The following SPTLC2 variants were observed in gnomAD, a reference collection of about 807,000 sequenced individuals.
SPTLC2 encodes serine palmitoyltransferase long chain base subunit 2.
In SPTLC2, 21 loss-of-function variants were observed where a neutral mutation model predicts 62.0. The observed-to-expected ratio is 0.34, with a 90% CI of 0.24 to 0.49. The LOEUF (loss-of-function observed/expected upper bound fraction) is 0.49, where lower values mean the gene tolerates loss of function less well. Ranked by LOEUF, SPTLC2 falls within the 20% of genes least tolerant of loss-of-function variation. The pLI, the probability that SPTLC2 is intolerant of heterozygous loss-of-function variation, is 0.99. For synonymous variants in SPTLC2, 261 were observed against 261.8 expected (o/e 1.00, Z 0.03); for missense variants, 511 against 713.0 (o/e 0.72, Z 3.23).
chr14:77,594,550 C>A (rs987603681), intron 2 of SPTLC2, among the ~76,000 whole-genome samples: 12 of 152,148 alleles, frequency 7.9e-5, no homozygotes, highest in African/African-American at 2.9e-4. Flanking sequence ...CGCTTGAGCA[C>A]AGGAGTTTGA....
chr14:77,558,970 T>G (rs1188262440), intron 6 of SPTLC2, among the ~76,000 whole-genome samples: 1 of 152,160 alleles, frequency 6.6e-6, no homozygotes, highest in African/African-American at 2.4e-5. Context: ...TTATTTTAGT[T>G]TTCTCTGTTT....
At chr14:77,542,065 A>AAAG (rs1334691794) in intron 9 of SPTLC2, among the ~76,000 whole-genome samples, 5 of 148,348 alleles carry the variant, frequency 3.4e-5, no homozygotes, top group Non-Finnish European at 7.4e-5. Flanking sequence ...TGTGTCCGGA[A>AAAG]AAAAAAAAAA....
rs547402810 is a variant in SPTLC2, at chr14:77,512,118, T to C, written c.*166A>G. On this transcript the variant is annotated 3_prime_UTR_variant, in exon 12 of 12. Coordinates refer to ENST00000216484, the MANE Select transcript of SPTLC2 (RefSeq NM_004863.4). ...AAAGGAAGGATTAGAAGCAGTTTTT[T>C]ACTATTTACAAAATGTCATTTAGAG... 3.1e-4 allele frequency: 270 copies of C among 877,772 alleles called. No homozygotes were observed. The highest frequency in any genetic ancestry group is 3.5e-4 in the Admixed American group (14 of 39,534). The allele number at this position is 877,772 out of a possible 1,614,324, so 54.4% of individuals were successfully genotyped here.
chr14:77,586,804 G>C (rs1352999402), intron 2 of SPTLC2, among the ~76,000 whole-genome samples: 1 of 152,130 alleles, frequency 6.6e-6, no homozygotes, highest in Admixed American at 6.6e-5. Flanking sequence ...CATATAAAAA[G>C]CTGTTCAGCT....
chr14:77,525,172 G>A (rs2079402849), intron 9 of SPTLC2, among the ~76,000 whole-genome samples: 2 of 152,100 alleles, frequency 1.3e-5, no homozygotes, highest in African/African-American at 4.8e-5. Flanking sequence ...TGTGATTCTG[G>A]CTACTTGGGG....
Position 77,608,613 on chromosome 14 carries a change from T to C in SPTLC2, c.132+7835A>G, listed in dbSNP as rs528470731. On this transcript the variant is annotated intron_variant, in intron 1 of 11. Transcript: ENST00000216484. ...AACAGATAAGCAAATAGATATACTGTATCAGATCACACTGCTACAATCAGA... is the reference window on the plus strand; with the variant it reads ...AACAGATAAGCAAATAGATATACTGCATCAGATCACACTGCTACAATCAGA... 2.0e-5 allele frequency among the ~76,000 whole-genome samples: 3 copies of C among 152,262 alleles called. No individual in the cohort carries two copies. The South Asian group carries it at 6.2e-4, about 32-fold the overall frequency.
rs1160294341 is a variant in SPTLC2, at chr14:77,597,178, A to G, written c.327+8T>C. On this transcript the variant is annotated splice_region_variant and intron_variant, in intron 2 of 11. Transcript: ENST00000216484. ...TATTTACAGAATCAAAAACTCTCTAACAGTTACCTTTTGTTCTTCTCTTTC... is the reference window on the plus strand; with the variant it reads ...TATTTACAGAATCAAAAACTCTCTAGCAGTTACCTTTTGTTCTTCTCTTTC... The G allele has an allele frequency of 1.2e-6, 2 of 1,613,662 alleles. No individual in the cohort carries two copies. Among genetic ancestry groups the G allele is most frequent in the East Asian group, 4.5e-5 (2 of 44,870 alleles).
Position 77,517,943 on chromosome 14 carries a change from A to G in SPTLC2, c.1569+95T>C. 5 of 1,593,300 alleles carry G rather than the reference A, an allele frequency of 3.1e-6. No homozygotes were observed. The South Asian group carries it at 4.4e-5, about 14-fold the overall frequency. On this transcript the variant is annotated intron_variant, in intron 11 of 11. Coordinates refer to ENST00000216484, the MANE Select transcript of SPTLC2 (RefSeq NM_004863.4). ...CACCCCCTCTGTCTTAGGTGCTCAC[A>G]AGAACATCAAGATCAATATATTATG...
chr14:77,544,613 C>T (rs2079518458), intron 9 of SPTLC2, among the ~76,000 whole-genome samples: 1 of 152,106 alleles, frequency 6.6e-6, no homozygotes, highest in South Asian at 2.1e-4. Flanking sequence ...TGCAGGTGGT[C>T]CATGGACAAA....
At chr14:77,561,400 G>C (rs141123667) in intron 6 of SPTLC2, among the ~76,000 whole-genome samples, 189 of 152,050 alleles carry the variant, frequency 1.2e-3, no homozygotes, top group African/African-American at 3.7e-3. Context: ...AACTGAAGTC[G>C]GGAGTTCAAG....
chr14:77,531,626 C>A (rs1303186129), intron 9 of SPTLC2, among the ~76,000 whole-genome samples: 1 of 151,952 alleles, frequency 6.6e-6, no homozygotes, highest in Non-Finnish European at 1.5e-5. Context: ...CGATTCTCCT[C>A]CCTCAGCCTC....
rs772030552 is a variant in SPTLC2 at position 77,591,789 on chromosome 14, T to A, written c.327+5397A>T. 1.1e-4 allele frequency among the ~76,000 whole-genome samples: 16 copies of A among 152,220 alleles called. No homozygotes were observed. In the Middle Eastern group the frequency reaches 0.01, roughly 97 times the overall value. Reference sequence around the variant, plus strand: ...CCCAGGCTGGAGTGCAATGGTGTGATCTTGGCTCACTGCAACCTCCACCTC... The same window carrying A: ...CCCAGGCTGGAGTGCAATGGTGTGAACTTGGCTCACTGCAACCTCCACCTC... On this transcript the variant is annotated intron_variant, in intron 2 of 11. Coordinates refer to ENST00000216484, the MANE Select transcript of SPTLC2 (RefSeq NM_004863.4).
intron 9 of SPTLC2, among the ~76,000 whole-genome samples, chr14:77,539,632 GGTGCCTGCCACCAA>G (rs2079489875): frequency 2.0e-5 from 3 of 151,546 alleles, no homozygotes; most frequent in African/African-American, 7.3e-5. Context: ...TGGGATTACA[GGTGCCTGCCACCAA>G]GTCTGGCTAA....
chr14:77,611,820 C>A (rs8008258), intron 1 of SPTLC2, among the ~76,000 whole-genome samples: 2 of 142,770 alleles, frequency 1.4e-5, no homozygotes, highest in Non-Finnish European at 3.1e-5. Context: ...AGTGAGACTC[C>A]GTCTCAAAAA....
intron 3 of SPTLC2, among the ~76,000 whole-genome samples, chr14:77,577,322 A>C (rs1163500952): frequency 6.6e-6 from 1 of 152,154 alleles, no homozygotes; most frequent in Non-Finnish European, 1.5e-5. Flanking sequence ...CTTCAGATAC[A>C]GAGACCAGTG....
chr14:77,545,837 T>G (rs963657375), intron 9 of SPTLC2, among the ~76,000 whole-genome samples: 2 of 152,204 alleles, frequency 1.3e-5, no homozygotes, highest in Non-Finnish European at 2.9e-5. Context: ...AAGGAGAGAA[T>G]GTTCTTGTTG....
chr14:77,570,005 C>T (rs947631513), intron 5 of SPTLC2, among the ~76,000 whole-genome samples: 9 of 149,710 alleles, frequency 6.0e-5, no homozygotes, highest in East Asian at 3.9e-4. Flanking sequence ...CAAATTGAGA[C>T]GAGGCCTCAC....
intron 2 of SPTLC2, among the ~76,000 whole-genome samples, chr14:77,589,028 A>AAAAAAAAAAAAAC (rs1566788868): frequency 8.4e-6 from 1 of 118,526 alleles, no homozygotes; most frequent in African/African-American, 3.3e-5. Context: ...AAAAAAAAAA[A>AAAAAAAAAAAAAC]ACACACAAAG....
At chr14:77,604,562 A>G (rs973677010) in intron 1 of SPTLC2, among the ~76,000 whole-genome samples, 13 of 152,286 alleles carry the variant, frequency 8.5e-5, no homozygotes, top group Admixed American at 5.9e-4. Context: ...AAGGGCTTCA[A>G]GAAATTTTTA....
Sources: allele counts gnomAD v4.1 joint callset (sites outside exome capture counted in the v4.1 genomes callset), GRCh38; gene constraint gnomAD v4.1.1; transcripts MANE v1.5; gene names NCBI Gene and HGNC (gene_info 2026-07-23, HGNC 2026-07-21).